VWC2L: variants seen among roughly 807,000 people sequenced by gnomAD.
VWC2L encodes the protein von Willebrand factor C domain-containing protein 2-like.
A neutral mutation model predicts 21.6 loss-of-function variants in VWC2L; 10 were observed. That is an observed-to-expected ratio of 0.46 (90% CI 0.29 to 0.78). VWC2L has a LOEUF of 0.78. Ranked by LOEUF, VWC2L falls within the 30% of genes least tolerant of loss-of-function variation. The pLI, the probability that VWC2L is intolerant of heterozygous loss-of-function variation, is 0.10. For synonymous variants in VWC2L, 96 were observed against 94.3 expected (o/e 1.02, Z -0.10); for missense variants, 209 against 277.1 (o/e 0.75, Z 1.74).
chr2:214,572,597 A>C (rs1380868179), intron 3 of VWC2L, among the ~76,000 whole-genome samples: 1 of 152,246 alleles, frequency 6.6e-6, no homozygotes, highest in African/African-American at 2.4e-5. Flanking sequence ...GGGCTTTCAT[A>C]TGCTCAAATC....
chr2:214,435,574 G>C, intron 2 of VWC2L, among the ~76,000 whole-genome samples: 1 of 152,130 alleles, frequency 6.6e-6, no homozygotes, highest in East Asian at 1.9e-4. Context: ...AGCTGACAAG[G>C]GTTTTGGACA....
intron 3 of VWC2L, among the ~76,000 whole-genome samples, chr2:214,505,423 T>A (rs1055021668): frequency 2.0e-5 from 3 of 152,228 alleles, no homozygotes; most frequent in Non-Finnish European, 2.9e-5. Flanking sequence ...GGGTTTTTTT[T>A]AATCAAGAGT....
chr2:214,549,143 C>T (rs778547234), intron 3 of VWC2L, among the ~76,000 whole-genome samples: 18 of 152,188 alleles, frequency 1.2e-4, no homozygotes, highest in Non-Finnish European at 2.4e-4. Context: ...TCCTCTGATC[C>T]ACCTGCGCTC....
intron 3 of VWC2L, among the ~76,000 whole-genome samples, chr2:214,467,190 G>A (rs1303249338): frequency 6.6e-6 from 1 of 152,138 alleles, no homozygotes; most frequent in African/African-American, 2.4e-5. Flanking sequence ...TAATCATAAG[G>A]CTTTCTAATG....
intron 3 of VWC2L, among the ~76,000 whole-genome samples, chr2:214,450,178 G>A (rs1318831362): frequency 1.3e-5 from 2 of 152,166 alleles, no homozygotes; most frequent in Non-Finnish European, 2.9e-5. Context: ...AACCCAGGAG[G>A]AAGTCTGCAG....
intron 3 of VWC2L, among the ~76,000 whole-genome samples, chr2:214,550,517 T>C (rs973338997): frequency 6.6e-6 from 1 of 152,198 alleles, no homozygotes; most frequent in Non-Finnish European, 1.5e-5. Context: ...CTCTTTCTGC[T>C]TCCTCTTCCT....
At chr2:214,475,409 G>T (rs973357284) in intron 3 of VWC2L, among the ~76,000 whole-genome samples, 7 of 151,848 alleles carry the variant, frequency 4.6e-5, no homozygotes, top group Non-Finnish European at 8.8e-5. Context: ...AGAAAGAAAT[G>T]TGCTCTTGTC....
chr2:214,491,036 A>T (rs2126201121), intron 3 of VWC2L, among the ~76,000 whole-genome samples: 1 of 152,178 alleles, frequency 6.6e-6, no homozygotes, highest in South Asian at 2.1e-4. Context: ...GGATGGGGGG[A>T]GTGGCTACTC....
chr2:214,443,294 C>G (rs1310169278), intron 3 of VWC2L, among the ~76,000 whole-genome samples: 1 of 152,016 alleles, frequency 6.6e-6, no homozygotes, highest in African/African-American at 2.4e-5. Flanking sequence ...ATTGCTTCAA[C>G]TTGGGAGGCA....
At chr2:214,565,545 A>G (rs1690049704) in intron 3 of VWC2L, among the ~76,000 whole-genome samples, 2 of 152,352 alleles carry the variant, frequency 1.3e-5, no homozygotes, top group South Asian at 4.1e-4. Context: ...AAATCCACAT[A>G]GAAAAGATTT....
intron 3 of VWC2L, among the ~76,000 whole-genome samples, chr2:214,516,551 A>C (rs530452169): frequency 2.0e-5 from 3 of 151,818 alleles, no homozygotes; most frequent in East Asian, 1.9e-4. Flanking sequence ...CCAAAGATTT[A>C]TTTCTTTTAA....
At position 214,414,575 on chromosome 2, in the gene VWC2L, G is replaced by A. The variant is rs267599197; in HGVS notation, c.382G>A (p.Glu128Lys). The change falls in exon 2 of 4, where the codon GAA (glutamate) becomes AAA (lysine). Residue 128 changes from glutamate to lysine, a missense_variant. By Grantham distance (56) the Glu-to-Lys change is moderately conservative. Coordinates refer to ENST00000312504, the MANE Select transcript of VWC2L (RefSeq NM_001080500.4). ...YHGKNYKILE[E>K]FKPSPCEWCR... ...CGGGAAAAATTACAAAATCTTGGAG[G>A]AATTTAAGGTATGCGTTACCCTCCA... The A allele has an allele frequency of 6.2e-7, 1 of 1,612,828 alleles. No individual in the cohort carries two copies. Among genetic ancestry groups the A allele is most frequent in the Non-Finnish European group, 8.5e-7 (1 of 1,179,500 alleles).
chr2:214,430,417 C>T (rs939150770), intron 2 of VWC2L, among the ~76,000 whole-genome samples: 1 of 152,156 alleles, frequency 6.6e-6, no homozygotes, highest in South Asian at 2.1e-4. Flanking sequence ...TATGTGTTTA[C>T]AAATATTTCA....
intron 3 of VWC2L, among the ~76,000 whole-genome samples, chr2:214,520,137 A>AG (rs903688238): frequency 6.6e-6 from 1 of 151,124 alleles, no homozygotes; most frequent in East Asian, 2.0e-4. Context: ...TCAAAATTTG[A>AG]GGGAAAAAAA....
intron 3 of VWC2L, among the ~76,000 whole-genome samples, chr2:214,482,912 T>C (rs59883000): frequency 0.02 from 2,999 of 152,250 alleles, 60 homozygotes; most frequent in African/African-American, 0.045. Context: ...GGGGCAGAAG[T>C]GTCAAAAGAC....
chr2:214,423,684 G>C (rs1412333588), intron 2 of VWC2L, among the ~76,000 whole-genome samples: 1 of 152,038 alleles, frequency 6.6e-6, no homozygotes, highest in African/African-American at 2.4e-5. Context: ...TGTCAAACTA[G>C]CCTAAGTTTC....
intron 3 of VWC2L, among the ~76,000 whole-genome samples, chr2:214,491,566 A>T (rs1688746134): frequency 6.6e-6 from 1 of 152,186 alleles, no homozygotes; most frequent in African/African-American, 2.4e-5. Context: ...ATGTTACAAT[A>T]CCTTTGGGGA....
intron 3 of VWC2L, among the ~76,000 whole-genome samples, chr2:214,470,013 A>G (rs2126192298): frequency 6.6e-6 from 1 of 152,112 alleles, no homozygotes; most frequent in African/African-American, 2.4e-5. Flanking sequence ...AACAGTTCGG[A>G]AAAAAAAGCA....
chr2:214,495,967 C>A (rs943630615), intron 3 of VWC2L, among the ~76,000 whole-genome samples: 19 of 152,048 alleles, frequency 1.2e-4, no homozygotes, highest in African/African-American at 4.3e-4. Flanking sequence ...AGGATACATT[C>A]TAAGAAATGT....
Sources: allele counts gnomAD v4.1 joint callset (sites outside exome capture counted in the v4.1 genomes callset), GRCh38; gene constraint gnomAD v4.1.1; transcripts MANE v1.5; gene names NCBI Gene and HGNC (gene_info 2026-07-23, HGNC 2026-07-21).